Variants in TSPAN13 observed in about 807,000 individuals in gnomAD.
The protein encoded by TSPAN13 is tetraspanin 13, also known as tetraspanin-13.
Under a neutral mutation model 26.9 loss-of-function variants are expected in TSPAN13, and 18 were observed. That is an observed-to-expected ratio of 0.67 (90% CI 0.46 to 0.99). TSPAN13 has a LOEUF of 0.99. Among genes scored for constraint, TSPAN13 ranks in the 50% least tolerant of loss-of-function variants. TSPAN13 has a pLI of 0.00. For synonymous variants in TSPAN13, 116 were observed against 98.4 expected, an observed-to-expected ratio of 1.18 and a Z score of -1.06; for missense variants, 201 against 249.6, an observed-to-expected ratio of 0.81 and a Z score of 1.31.
intron 2 of TSPAN13, among the ~76,000 whole-genome samples, chr7:16,776,759 T>A (rs1784754300): frequency 6.6e-6 from 1 of 152,230 alleles, no homozygotes; most frequent in Non-Finnish European, 1.5e-5. Context: ...TCTATACCTA[T>A]GTCTGTTTTG....
At chr7:16,754,735 C>G (rs1012523693) in intron 1 of TSPAN13, among the ~76,000 whole-genome samples, 1 of 151,904 alleles carries the variant, frequency 6.6e-6, no homozygotes, top group Non-Finnish European at 1.5e-5. Context: ...CAAGTCGTTT[C>G]TTTCCCTGCC....
intron 5 of TSPAN13, among the ~76,000 whole-genome samples, chr7:16,782,794 C>G (rs753074452): frequency 2.6e-5 from 4 of 152,126 alleles, no homozygotes; most frequent in Non-Finnish European, 4.4e-5. Context: ...ACTACTTTGA[C>G]TTTGTATTAG....
intron 5 of TSPAN13, among the ~76,000 whole-genome samples, chr7:16,781,027 T>TA (rs1784808297): frequency 6.6e-6 from 1 of 152,196 alleles, no homozygotes; most frequent in Non-Finnish European, 1.5e-5. Context: ...TGCAGTTACT[T>TA]AGCTGACAAC....
intron 1 of TSPAN13, among the ~76,000 whole-genome samples, chr7:16,769,207 T>TA (rs1286503696): frequency 2.0e-5 from 3 of 151,938 alleles, no homozygotes; most frequent in Non-Finnish European, 4.4e-5. Context: ...AATTTTACTT[T>TA]AAAAAAAAGA....
At chr7:16,759,507 C>T (rs1416349599) in intron 1 of TSPAN13, among the ~76,000 whole-genome samples, 2 of 152,108 alleles carry the variant, frequency 1.3e-5, no homozygotes, top group Non-Finnish European at 2.9e-5. Context: ...TCACCTCCCT[C>T]CAGGCCCCAC....
rs1416391008 is a variant in TSPAN13, at chr7:16,753,851, A to C, written c.-117A>C. On this transcript the variant is annotated 5_prime_UTR_variant, in exon 1 of 6. Coordinates refer to ENST00000262067, the MANE Select transcript of TSPAN13 (RefSeq NM_014399.4). ...AGCCCCAGGCCCCGGCCCCCCACCC[A>C]CGTCTGCGTTGCTGCCCCGCCTGGG... 2.7e-6 allele frequency: 3 copies of C among 1,104,118 alleles called. No individual in the cohort carries two copies. Among genetic ancestry groups the C allele is most frequent in the East Asian group, 2.7e-5 (1 of 37,140 alleles). 68.4% of individuals were successfully genotyped at this position (1,104,118 alleles called of 1,614,324 possible).
At chr7:16,778,439 G>C (rs1446874244) in intron 4 of TSPAN13, among the ~76,000 whole-genome samples, 1 of 152,216 alleles carries the variant, frequency 6.6e-6, no homozygotes, top group Non-Finnish European at 1.5e-5. Context: ...CCTGGGTCAG[G>C]CTTGGCTGGG....
intron 5 of TSPAN13, among the ~76,000 whole-genome samples, chr7:16,782,057 G>A (rs750651306): frequency 3.3e-5 from 5 of 152,116 alleles, no homozygotes; most frequent in African/African-American, 1.2e-4. Flanking sequence ...GTAAAATGAC[G>A]ATATTGATAG....
chr7:16,769,606 G>T (rs1257945626), intron 1 of TSPAN13, among the ~76,000 whole-genome samples: 1 of 152,068 alleles, frequency 6.6e-6, no homozygotes. Flanking sequence ...TCAGCATGTT[G>T]TTGATTTTTG....
chr7:16,765,476 T>A (rs1784595339), intron 1 of TSPAN13, among the ~76,000 whole-genome samples: 1 of 152,236 alleles, frequency 6.6e-6, no homozygotes, highest in African/African-American at 2.4e-5. Flanking sequence ...TCTACTCATG[T>A]GTACACTTGC....
At chr7:16,770,455 C>G (rs1028127536) in intron 1 of TSPAN13, among the ~76,000 whole-genome samples, 2 of 152,178 alleles carry the variant, frequency 1.3e-5, no homozygotes, top group African/African-American at 2.4e-5. Context: ...AGTGATCCAC[C>G]CGCTTCGGCC....
rs111699315 is a variant in TSPAN13, at chr7:16,784,341, G to A, written c.*850G>A. The A allele has an allele frequency of 1.1e-4, 17 of 152,218 alleles. No homozygotes were observed. The highest frequency in any genetic ancestry group is 2.1e-4 in the South Asian group (1 of 4,826). The allele number at this position is 152,218 out of a possible 1,614,324, so 9.4% of individuals were successfully genotyped here. A position where few individuals can be genotyped will look rare whatever the true frequency, so the allele number is the denominator to read the frequency against. On this transcript the variant is annotated 3_prime_UTR_variant, in exon 6 of 6. Coordinates refer to ENST00000262067, the MANE Select transcript of TSPAN13 (RefSeq NM_014399.4). ...ATTATCTTAAAAATTGTTAAATACC[G>A]TTTTCATGAAATTTCTCAGTATTGT...
At chr7:16,774,977 CA>C (rs1468471212) in intron 1 of TSPAN13, among the ~76,000 whole-genome samples, 1 of 152,134 alleles carries the variant, frequency 6.6e-6, no homozygotes, top group Non-Finnish European at 1.5e-5. Flanking sequence ...TATTGTATTA[CA>C]TACGAAAATT....
intron 1 of TSPAN13, among the ~76,000 whole-genome samples, chr7:16,770,288 C>T (rs1217958938): frequency 6.6e-6 from 1 of 152,052 alleles, no homozygotes; most frequent in African/African-American, 2.4e-5. Context: ...TCACTGCAGC[C>T]TCTGCCTCTC....
chr7:16,769,374 G>A (rs1015136923), intron 1 of TSPAN13, among the ~76,000 whole-genome samples: 5 of 152,094 alleles, frequency 3.3e-5, no homozygotes, highest in Admixed American at 6.6e-5. Flanking sequence ...CAGTGCAGCT[G>A]GGCTAAGAAA....
At chr7:16,768,648 A>G (rs370649064) in intron 1 of TSPAN13, among the ~76,000 whole-genome samples, 11 of 152,310 alleles carry the variant, frequency 7.2e-5, no homozygotes, top group East Asian at 3.9e-4. Flanking sequence ...AATATTTTCT[A>G]TACTTTTAAG....
intron 1 of TSPAN13, chr7:16,775,659 C>T (rs1200716428): frequency 1.3e-5 from 2 of 152,212 alleles, no homozygotes; most frequent in Non-Finnish European, 2.9e-5. Flanking sequence ...TGCCAGTCTT[C>T]TGGAGAGACA....
intron 5 of TSPAN13, 28 bp downstream of exon 5, chr7:16,779,144 C>T: frequency 1.3e-6 from 2 of 1,549,390 alleles, no homozygotes; most frequent in Non-Finnish European, 1.8e-6. Context: ...TATTTTTCCT[C>T]CTTTGTCACA....
chr7:16,761,082 C>T (rs1784536393), intron 1 of TSPAN13, among the ~76,000 whole-genome samples: 1 of 152,132 alleles, frequency 6.6e-6, no homozygotes, highest in Non-Finnish European at 1.5e-5. Context: ...GTGGATGTCA[C>T]CTCAAACTGG....
Sources: allele counts gnomAD v4.1 joint callset (sites outside exome capture counted in the v4.1 genomes callset), GRCh38; gene constraint gnomAD v4.1.1; transcripts MANE v1.5; gene names NCBI Gene and HGNC (gene_info 2026-07-23, HGNC 2026-07-21).